The following PTCD3 variants were observed in gnomAD, a reference collection of about 807,000 sequenced individuals.
PTCD3 encodes small ribosomal subunit protein mS39.
A neutral mutation model predicts 101.9 loss-of-function variants in PTCD3; 89 were observed. The observed-to-expected ratio is 0.87, with a 90% confidence interval of 0.74 to 1.04. PTCD3 has a LOEUF of 1.04. Ranked by LOEUF, PTCD3 falls within the 50% of genes least tolerant of loss-of-function variation. PTCD3 has a pLI of 0.00. For synonymous variants in PTCD3, 296 were observed against 278.5 expected, an observed-to-expected ratio of 1.06 and a Z score of -0.63; for missense variants, 870 against 828.2, an observed-to-expected ratio of 1.05 and a Z score of -0.62.
intron 14 of PTCD3, among the ~76,000 whole-genome samples, chr2:86,128,565 G>A (rs973989618): frequency 1.3e-5 from 2 of 152,164 alleles, no homozygotes; most frequent in African/African-American, 4.8e-5. Context: ...TGGCTACCAT[G>A]TGTCGTGATG....
chr2:86,124,722 G>T (rs1053243031), intron 9 of PTCD3, among the ~76,000 whole-genome samples: 5 of 152,170 alleles, frequency 3.3e-5, no homozygotes, highest in African/African-American at 1.2e-4. Context: ...GTTTTTAATA[G>T]CACAGATATT....
At chr2:86,126,815 C>G (rs1674403049) in intron 12 of PTCD3, among the ~76,000 whole-genome samples, 1 of 142,570 alleles carries the variant, frequency 7.0e-6, no homozygotes. Context: ...CCAGCCTGGG[C>G]AAGAAGAGCG....
chr2:86,135,164 G>A (rs1048188763), intron 21 of PTCD3, 177 bp downstream of exon 21: 4 of 572,520 alleles, frequency 7.0e-6, no homozygotes, highest in African/African-American at 1.9e-5. Flanking sequence ...TGATGTAGTT[G>A]AGATAAGGCA....
rs1674692820 is a variant in PTCD3 at position 86,141,922 on chromosome 2, A to G, written c.*4363A>G. ...CTTGAAGTAGCACTGAGAATCCAAG[A>G]AGAGGCTCCGCTGCTTTTTGCACAT... On this transcript the variant is annotated 3_prime_UTR_variant, in exon 24 of 24. Transcript: ENST00000254630. 1 of 151,964 alleles carries G rather than the reference A, an allele frequency of 6.6e-6. No individual in the cohort carries two copies. Among genetic ancestry groups the G allele is most frequent in the African/African-American group, 2.4e-5 (1 of 41,196 alleles). The allele number at this position is 151,964 out of a possible 1,614,324, so 9.4% of individuals were successfully genotyped here. A position where few individuals can be genotyped will look rare whatever the true frequency, so the allele number is the denominator to read the frequency against.
At chr2:86,123,806 G>C in intron 9 of PTCD3, 44 bp downstream of exon 9, 1 of 1,382,666 alleles carries the variant, frequency 7.2e-7, no homozygotes, top group Non-Finnish European at 9.9e-7. Context: ...GTGTCTTACA[G>C]TGCATGGAAT....
rs1558803211 is a variant in PTCD3, at chr2:86,141,965, C to G, written c.*4406C>G. The stretch of plus-strand genomic sequence containing the variant: ...TTGCACATGTTACTGAGTTACATCT[C>G]AGGAAGATTTTTAAGCACGAGGAAG... On this transcript the variant is annotated 3_prime_UTR_variant, in exon 24 of 24. Transcript: ENST00000254630. 6.6e-6 allele frequency: 1 copy of G among 152,142 alleles called. No individual in the cohort carries two copies. The highest frequency in any genetic ancestry group is 6.5e-5 in the Admixed American group (1 of 15,276). 9.4% of individuals were successfully genotyped at this position (152,142 alleles called of 1,614,324 possible).
chr2:86,127,371 T>G, intron 13 of PTCD3, 66 bp downstream of exon 13: 1 of 1,494,700 alleles, frequency 6.7e-7, no homozygotes, highest in Non-Finnish European at 9.0e-7. Flanking sequence ...CAGGGCTACA[T>G]AAGCAAAGAG....
intron 11 of PTCD3, 27 bp from the exon 12 acceptor site, chr2:86,125,768 A>C (rs1674371777): frequency 1.3e-6 from 2 of 1,538,144 alleles, no homozygotes; most frequent in Admixed American, 3.5e-5. Flanking sequence ...CTTCAACCCC[A>C]AATTTTATCA....
chr2:86,107,863 G>A (rs1015548800), intron 1 of PTCD3, among the ~76,000 whole-genome samples: 4 of 152,094 alleles, frequency 2.6e-5, no homozygotes, highest in African/African-American at 9.7e-5. Context: ...TAGTGTTTTG[G>A]GTTCCTGAAG....
At chr2:86,132,628 T>TG (rs1303682406) in intron 17 of PTCD3, 573 of 407,520 alleles carry the variant, frequency 1.4e-3, no homozygotes, top group Non-Finnish European at 2.0e-3. Flanking sequence ...AAGGGTTTTT[T>TG]TTTTTTTTTT....
intron 3 of PTCD3, among the ~76,000 whole-genome samples, chr2:86,110,296 T>C (rs1674052808): frequency 6.6e-6 from 1 of 152,234 alleles, no homozygotes; most frequent in Non-Finnish European, 1.5e-5. Flanking sequence ...ATTTAGTGGA[T>C]ATTATGTACA....
At position 86,121,604 on chromosome 2, in the gene PTCD3, G is replaced by T. The variant is rs770078122; in HGVS notation, c.654+10G>T. The T allele has an allele frequency of 2.0e-6, 3 of 1,533,156 alleles. No individual in the cohort carries two copies. Among genetic ancestry groups the T allele is most frequent in the Admixed American group, 4.3e-5 (2 of 46,134 alleles). 95.0% of individuals were successfully genotyped at this position (1,533,156 alleles called of 1,614,324 possible). A position where few individuals can be genotyped will look rare whatever the true frequency, so the allele number is the denominator to read the frequency against. ...ACAGTCAGAAGCATTGGTAATAACT[G>T]TTGGCCTTGATTTTTTTTTTTCCTT... is the stretch of plus-strand genomic sequence containing the variant. On this transcript the variant is annotated intron_variant, in intron 8 of 23. Transcript: ENST00000254630.
At position 86,127,356 on chromosome 2, in the gene PTCD3, G is replaced by A. The variant is rs756926888; in HGVS notation, c.1096+51G>A. ...GAGGACAGAGACTGTGCCAGCCAGA[G>A]GTTTCAGGGCTACATAAGCAAAGAG... is the stretch of plus-strand genomic sequence containing the variant. On this transcript the variant is annotated intron_variant, in intron 13 of 23. Coordinates refer to ENST00000254630, the MANE Select transcript of PTCD3 (RefSeq NM_017952.6). 48 of 1,557,886 alleles carry A rather than the reference G, an allele frequency of 3.1e-5. No individual in the cohort carries two copies. In the Admixed American group the frequency reaches 9.0e-4, roughly 29 times the overall value.
intron 17 of PTCD3, chr2:86,132,838 G>A (rs1294595265): frequency 3.0e-6 from 1 of 333,424 alleles, no homozygotes; most frequent in Non-Finnish European, 5.5e-6. Flanking sequence ...ATTTAAGAAG[G>A]CAGCATGTTA....
At chr2:86,118,335 C>T (rs1186455934) in intron 6 of PTCD3, among the ~76,000 whole-genome samples, 3 of 152,072 alleles carry the variant, frequency 2.0e-5, no homozygotes, top group Non-Finnish European at 2.9e-5. Flanking sequence ...AAAACAGATG[C>T]GCCTCTGCCC....
At chr2:86,107,011 G>C (rs1353584556) in intron 1 of PTCD3, 1 of 414,198 alleles carries the variant, frequency 2.4e-6, no homozygotes, top group Non-Finnish European at 5.0e-6. Context: ...ATAATAGACA[G>C]ATTTCCTCAT....
intron 8 of PTCD3, 34 bp downstream of exon 8, chr2:86,121,628 T>G (rs1197560203): frequency 1.5e-6 from 2 of 1,323,020 alleles, no homozygotes; most frequent in Non-Finnish European, 2.1e-6. Flanking sequence ...TTTTTTTTCC[T>G]TAAGCTTCTT....
intron 14 of PTCD3, among the ~76,000 whole-genome samples, chr2:86,128,803 G>A (rs943064814): frequency 1.3e-5 from 2 of 152,148 alleles, no homozygotes; most frequent in Non-Finnish European, 2.9e-5. Flanking sequence ...ATGTCAAAGC[G>A]ACTAGATACC....
rs2241433 is a variant in PTCD3 at position 86,137,530 on chromosome 2, A to G, written c.2041A>G (p.Ser681Gly). The part of the protein sequence containing the change: ...SDSDTDSSSD[S>G]DSDTSEGK ...CAGTGATACTGACAGCAGCAGTGAC[A>G]GCGACAGTGACACCAGTGAAGGCAA... Residue 681 changes from serine to glycine, a missense_variant, in exon 24 of 24, where the codon AGC (serine) becomes GGC (glycine). Ser to Gly is a moderately conservative substitution (Grantham distance 56). Coordinates refer to ENST00000254630, the MANE Select transcript of PTCD3 (RefSeq NM_017952.6). 14,226 of 1,613,914 alleles carry G rather than the reference A, an allele frequency of 8.8e-3. 905 individuals carry two copies. The East Asian group carries it at 0.19, about 21-fold the overall frequency.
Sources: gnomAD v4.1 joint callset for allele counts (sites outside exome capture counted in the v4.1 genomes callset) on GRCh38, gnomAD v4.1.1 for gene constraint, MANE v1.5 for transcripts, NCBI Gene and HGNC (gene_info 2026-07-23, HGNC 2026-07-21) for gene names.